SLC9A1: variants seen among roughly 807,000 people sequenced by gnomAD.
SLC9A1 encodes the protein solute carrier family 9 member A1.
In SLC9A1, 22 loss-of-function variants were observed where a neutral mutation model predicts 67.9. That is an observed-to-expected ratio of 0.32 (90% CI 0.23 to 0.46). The LOEUF is 0.46. SLC9A1 is among the 20% of genes least tolerant of loss of function. The pLI is 1.00. For synonymous variants in SLC9A1, 421 were observed against 471.8 expected (o/e 0.89, Z 1.40); for missense variants, 686 against 1,094.8 (o/e 0.63, Z 5.27).
chr1:27,102,303 C>A (rs116670694), intron 8 of SLC9A1, 82 bp downstream of exon 8: 2 of 1,478,440 alleles, frequency 1.4e-6, no homozygotes, highest in Admixed American at 1.9e-5. Flanking sequence ...CAGAAGACCC[C>A]GCCCCCCAGG....
At chr1:27,121,001 G>C (rs545009996) in intron 1 of SLC9A1, among the ~76,000 whole-genome samples, 1 of 152,130 alleles carries the variant, frequency 6.6e-6, no homozygotes, top group Admixed American at 6.5e-5. Context: ...AAAGAAAACA[G>C]CTTGTCAGGA....
intron 1 of SLC9A1, among the ~76,000 whole-genome samples, chr1:27,150,839 A>G (rs190050454): frequency 4.3e-4 from 65 of 152,156 alleles, no homozygotes; most frequent in African/African-American, 1.4e-3. Flanking sequence ...TAGGAAGGAG[A>G]ACTGCAAAGC....
Position 27,109,604 on chromosome 1 carries a change from G to A in SLC9A1, c.987C>T (p.Ile329=), listed in dbSNP as rs768515736. ...TGTAGAGGAAGACGAAGAGCGGCTC[G>A]ATGACCCGGATGTGGGAGGTAAATC... The part of the protein sequence containing the change: ...TSRFTSHIRV[I]EPLFVFLYSY... The change falls in exon 3 of 12, where the codon ATC becomes ATT. Residue 329 remains isoleucine (I), a synonymous_variant. Transcript: ENST00000263980. This position sits in a 1 kb window ranked among gnomAD's most constrained non-coding sequence, Gnocchi z 5.5. The A allele has an allele frequency of 9.7e-5, 156 of 1,613,774 alleles. No homozygotes were observed. The highest frequency in any genetic ancestry group is 1.3e-4 in the African/African-American group (10 of 74,908).
rs35231148 is a variant in SLC9A1, at chr1:27,119,042, A to AACACACAC, written c.353-4764_353-4757dup. Among the ~76,000 whole-genome samples, 250 of 139,446 alleles carry AACACACAC rather than the reference A, an allele frequency of 1.8e-3. 2 individuals carry two copies. The highest frequency in any genetic ancestry group is 6.5e-3 in the Admixed American group (90 of 13,938). 91.5% of individuals were successfully genotyped at this position (139,446 alleles called of 152,430 possible). A position where few individuals can be genotyped will look rare whatever the true frequency, so the allele number is the denominator to read the frequency against. ...TCTAGTGTAGGTGGTAGCTGGAACGAACACACACACACACACACACACACA... is the reference window on the plus strand; with the variant it reads ...TCTAGTGTAGGTGGTAGCTGGAACGAACACACACACACACACACACACACACACACACA... On this transcript the variant is annotated intron_variant, in intron 1 of 11. Transcript: ENST00000263980.
chr1:27,115,705 C>T lies in SLC9A1; in HGVS notation c.353-1419G>A, dbSNP rs755972409. On this transcript the variant is annotated intron_variant, in intron 1 of 11. Transcript: ENST00000263980. The stretch of plus-strand genomic sequence containing the variant: ...TGTAGTCTCAGCTAGTTAGGAGGGC[C>T]GAGGCAGGAAGATCACTTGAGCCCA... Among the ~76,000 whole-genome samples the T allele has an allele frequency of 4.6e-5, 7 of 150,654 alleles. No homozygotes were observed. In the South Asian group the frequency reaches 6.3e-4, roughly 14 times the overall value.
intron 5 of SLC9A1, 79 bp from the exon 6 acceptor site, chr1:27,103,391 A>C (rs2083161573): frequency 1.0e-6 from 1 of 970,934 alleles, no homozygotes; most frequent in Non-Finnish European, 1.7e-6. Flanking sequence ...CCCTCACCCC[A>C]GGCCCCCAAG....
At chr1:27,146,584 C>T (rs1311202915) in intron 1 of SLC9A1, among the ~76,000 whole-genome samples, 1 of 152,140 alleles carries the variant, frequency 6.6e-6, no homozygotes. Context: ...TCTAGCTGTG[C>T]AAGTACCTTT....
intron 1 of SLC9A1, among the ~76,000 whole-genome samples, chr1:27,132,219 G>T (rs2083390908): frequency 6.6e-6 from 1 of 151,916 alleles, no homozygotes; most frequent in Non-Finnish European, 1.5e-5. Context: ...TCTCCAAAAG[G>T]AGGACATAAC....
intron 1 of SLC9A1, among the ~76,000 whole-genome samples, chr1:27,132,710 A>C (rs1178891755): frequency 6.6e-6 from 1 of 152,158 alleles, no homozygotes; most frequent in Admixed American, 6.5e-5. Context: ...CACTGGAATG[A>C]GTGTCACTCC....
rs1244161217 is a variant in SLC9A1, at chr1:27,154,884, G to A, written c.-550C>T. 1 of 152,656 alleles carries A rather than the reference G, an allele frequency of 6.6e-6. No individual in the cohort carries two copies. Among genetic ancestry groups the A allele is most frequent in the Non-Finnish European group, 1.5e-5 (1 of 68,354 alleles). 9.5% of individuals were successfully genotyped at this position (152,656 alleles called of 1,614,324 possible). A position where few individuals can be genotyped will look rare whatever the true frequency, so the allele number is the denominator to read the frequency against. ...AAGCGGCCGGGAGCTTCTCCACCCA[G>A]AGAGGGGCAGGGGTCCAGGCGCGCC... On this transcript the variant is annotated 5_prime_UTR_variant, in exon 1 of 12. Transcript: ENST00000263980.
In SLC9A1 at chr1:27,113,807, T is replaced by C. The variant is rs1361403316; in HGVS notation, c.813+19A>G. 1 of 1,590,192 alleles carries C rather than the reference T, an allele frequency of 6.3e-7. No individual in the cohort carries two copies. The stretch of plus-strand genomic sequence containing the variant: ...GGTTTGTACCGTTTGGACATGGGCA[T>C]GGCCCCTGGCCTCCTCACCACAGTG... On this transcript the variant is annotated intron_variant, in intron 2 of 11. Coordinates refer to ENST00000263980, the MANE Select transcript of SLC9A1 (RefSeq NM_003047.5).
chr1:27,146,260 C>T (rs779752193), intron 1 of SLC9A1, among the ~76,000 whole-genome samples: 1 of 152,118 alleles, frequency 6.6e-6, no homozygotes, highest in African/African-American at 2.4e-5. Flanking sequence ...GCTGGCATTC[C>T]CAGAGACAGC....
intron 1 of SLC9A1, among the ~76,000 whole-genome samples, chr1:27,128,813 C>T (rs1373489261): frequency 6.6e-6 from 1 of 151,306 alleles, no homozygotes; most frequent in East Asian, 1.9e-4. Flanking sequence ...CAAAATTAGC[C>T]GGGCGTAGTG....
chr1:27,139,798 T>C (rs11586968), intron 1 of SLC9A1, among the ~76,000 whole-genome samples: 24 of 140,488 alleles, frequency 1.7e-4, no homozygotes, highest in Non-Finnish European at 2.6e-4. Flanking sequence ...ACACTCATTG[T>C]TTTTTTTTTT....
At chr1:27,133,829 A>G (rs1264998607) in intron 1 of SLC9A1, among the ~76,000 whole-genome samples, 1 of 149,062 alleles carries the variant, frequency 6.7e-6, no homozygotes, top group Non-Finnish European at 1.5e-5. Flanking sequence ...CAGTGGCGCG[A>G]TCTCGGCTCA....
chr1:27,127,072 C>G (rs1474162525), intron 1 of SLC9A1, among the ~76,000 whole-genome samples: 3 of 152,160 alleles, frequency 2.0e-5, no homozygotes, highest in Non-Finnish European at 4.4e-5. Flanking sequence ...ACGAACATGG[C>G]TCACTGCAGC....
chr1:27,125,033 G>C (rs1379411619), intron 1 of SLC9A1, among the ~76,000 whole-genome samples: 1 of 151,828 alleles, frequency 6.6e-6, no homozygotes, highest in African/African-American at 2.4e-5. Context: ...TTTTGGAGTT[G>C]TCCTAACTCC....
At position 27,154,724 on chromosome 1, in the gene SLC9A1, T is replaced by C; in HGVS notation, c.-390A>G. On this transcript the variant is annotated 5_prime_UTR_variant, in exon 1 of 12. Transcript: ENST00000263980. ...TGGCTGAGGAAAGTGACTGAGGAGC[T>C]GGGACTCTGGGCTGTGGGCTAAAGG... The C allele has an allele frequency of 6.0e-6, 1 of 166,876 alleles. No individual in the cohort carries two copies. The highest frequency in any genetic ancestry group is 1.3e-5 in the Non-Finnish European group (1 of 78,142). The allele number at this position is 166,876 out of a possible 1,614,324, so 10.3% of individuals were successfully genotyped here. A position where few individuals can be genotyped will look rare whatever the true frequency, so the allele number is the denominator to read the frequency against.
intron 1 of SLC9A1, among the ~76,000 whole-genome samples, chr1:27,126,992 T>C (rs2083348934): frequency 6.6e-6 from 1 of 151,922 alleles, no homozygotes; most frequent in Non-Finnish European, 1.5e-5. Flanking sequence ...GTAGAAGATT[T>C]ATTTTTTGCG....
Sources: gnomAD v4.1 joint callset for allele counts (sites outside exome capture counted in the v4.1 genomes callset) on GRCh38, gnomAD v4.1.1 for gene constraint, Gnocchi (gnomAD v3.1) non-coding constraint, MANE v1.5 for transcripts, NCBI Gene and HGNC (gene_info 2026-07-23, HGNC 2026-07-21) for gene names.